Variants in JARID2 observed in about 807,000 individuals in gnomAD.
JARID2 encodes the protein protein Jumonji.
JARID2 carries 21 observed loss-of-function variants against 125.6 expected under a neutral mutation model. The ratio of observed to expected loss-of-function variants is 0.17; its 90% CI spans 0.12 to 0.24. JARID2 has a LOEUF of 0.24. Among genes scored for constraint, JARID2 ranks in the 10% least tolerant of loss-of-function variants. The pLI, the probability that JARID2 is intolerant of heterozygous loss-of-function variation, is 1.00. For missense variants in JARID2, 1,303 were observed against 1,639.6 expected, an observed-to-expected ratio of 0.79 and a Z score of 3.55; for synonymous variants, 736 against 661.6, an observed-to-expected ratio of 1.11 and a Z score of -1.73.
At chr6:15,351,254 C>G (rs900637259) in intron 1 of JARID2, among the ~76,000 whole-genome samples, 1 of 152,076 alleles carries the variant, frequency 6.6e-6, no homozygotes, top group Non-Finnish European at 1.5e-5. Context: ...CTAATAGGGT[C>G]TGGTAAAAAC....
At chr6:15,462,287 A>C (rs1257609738) in intron 4 of JARID2, among the ~76,000 whole-genome samples, 1 of 152,220 alleles carries the variant, frequency 6.6e-6, no homozygotes, top group Non-Finnish European at 1.5e-5. Flanking sequence ...TTCCCTAATA[A>C]GTTGTAAAGT....
chr6:15,252,300 G>T (rs1561747221), intron 1 of JARID2, among the ~76,000 whole-genome samples: 1 of 152,060 alleles, frequency 6.6e-6, no homozygotes, highest in African/African-American at 2.4e-5. Flanking sequence ...CAAAATGTTA[G>T]GGAATACCTT....
chr6:15,398,199 G>C (rs1359271732), intron 2 of JARID2, among the ~76,000 whole-genome samples: 2 of 152,236 alleles, frequency 1.3e-5, no homozygotes, highest in Admixed American at 6.5e-5. Context: ...TGGTTTGGCA[G>C]CGGGTTCACA....
At position 15,282,467 on chromosome 6, in the gene JARID2, T is replaced by G. The variant is rs150433091; in HGVS notation, c.45+35883T>G. ...TTGGTCTGTCAGCTGTCCATATTTT[T>G]TTTCTTCATAACTTTTATCCACTAT... is the stretch of plus-strand genomic sequence containing the variant. On this transcript the variant is annotated intron_variant, in intron 1 of 17. Coordinates refer to ENST00000341776, the MANE Select transcript of JARID2 (RefSeq NM_004973.4). Among the ~76,000 whole-genome samples, 50 of 152,326 alleles carry G rather than the reference T, an allele frequency of 3.3e-4. 1 individual carries two copies. In the East Asian group the frequency reaches 9.6e-3, roughly 29 times the overall value.
At chr6:15,294,268 C>T (rs1761327476) in intron 1 of JARID2, among the ~76,000 whole-genome samples, 1 of 152,170 alleles carries the variant, frequency 6.6e-6, no homozygotes, top group African/African-American at 2.4e-5. Flanking sequence ...TCTTGGCTCA[C>T]TGCAGCCTCC....
intron 1 of JARID2, among the ~76,000 whole-genome samples, chr6:15,333,099 A>AT (rs1762771994): frequency 6.6e-6 from 1 of 151,402 alleles, no homozygotes; most frequent in Non-Finnish European, 1.5e-5. Flanking sequence ...GGCCCGGCTA[A>AT]TTTTTTGTAT....
chr6:15,450,613 C>T (rs545042586), intron 3 of JARID2, among the ~76,000 whole-genome samples: 2 of 152,224 alleles, frequency 1.3e-5, no homozygotes, highest in East Asian at 1.9e-4. Context: ...TTCCTGCCCT[C>T]AAAGAATGTT....
intron 3 of JARID2, among the ~76,000 whole-genome samples, chr6:15,417,930 T>C (rs1766308489): frequency 6.6e-6 from 1 of 152,154 alleles, no homozygotes; most frequent in African/African-American, 2.4e-5. Context: ...ATGATTTATA[T>C]CTTTCCTCTC....
At chr6:15,352,982 T>A (rs571948297) in intron 1 of JARID2, among the ~76,000 whole-genome samples, 3 of 152,348 alleles carry the variant, frequency 2.0e-5, no homozygotes, top group South Asian at 2.1e-4. Flanking sequence ...GGTTTCCATG[T>A]TATCGTCATG....
At chr6:15,347,004 G>T (rs1387258739) in intron 1 of JARID2, among the ~76,000 whole-genome samples, 1 of 152,076 alleles carries the variant, frequency 6.6e-6, no homozygotes, top group Non-Finnish European at 1.5e-5. Context: ...AAAGTGCCGG[G>T]ATTACAGGTG....
In JARID2 at chr6:15,496,545, C is replaced by G. The variant is rs200640529; in HGVS notation, c.1320C>G (p.Ser440=). The G allele has an allele frequency of 1.6e-4, 260 of 1,607,956 alleles. No individual in the cohort carries two copies. The highest frequency in any genetic ancestry group is 5.0e-4 in the Middle Eastern group (3 of 5,976). The change falls in exon 7 of 18, where the codon TCC becomes TCG. Residue 440 remains serine (S), a synonymous_variant. Transcript: ENST00000341776. ...GLQLREGLRN[S]KRRLEEAHQA... The stretch of plus-strand genomic sequence containing the variant: ...AGCTGCGGGAGGGGCTGCGGAACTC[C>G]AAGAGGAGACTGGAAGAGGCACACC...
intron 3 of JARID2, among the ~76,000 whole-genome samples, chr6:15,416,021 C>T (rs1474420755): frequency 2.7e-5 from 4 of 148,316 alleles, no homozygotes; most frequent in East Asian, 4.1e-4. Context: ...GGTCATGGCC[C>T]GGTAGAGGCG....
At chr6:15,510,454 C>T (rs934483659) in intron 12 of JARID2, among the ~76,000 whole-genome samples, 2 of 152,206 alleles carry the variant, frequency 1.3e-5, no homozygotes, top group Non-Finnish European at 2.9e-5. Context: ...CCTCCCCTCC[C>T]TGTGATTGCC....
intron 1 of JARID2, among the ~76,000 whole-genome samples, chr6:15,363,354 G>A (rs1763865990): frequency 6.6e-6 from 1 of 152,200 alleles, no homozygotes; most frequent in East Asian, 1.9e-4. Context: ...CACAGTGTGT[G>A]TTCACAAGCC....
intron 1 of JARID2, among the ~76,000 whole-genome samples, chr6:15,270,549 C>G (rs536853605): frequency 9.2e-5 from 14 of 152,284 alleles, no homozygotes; most frequent in Middle Eastern, 3.4e-3. Context: ...GTTATGATTG[C>G]GAGTCATGTC....
intron 3 of JARID2, among the ~76,000 whole-genome samples, chr6:15,427,884 CTT>C (rs71535041): frequency 1.4e-5 from 2 of 145,156 alleles, no homozygotes; most frequent in Non-Finnish European, 3.0e-5. Flanking sequence ...TTAGACATAC[CTT>C]TTTTTTTTTT....
intron 1 of JARID2, among the ~76,000 whole-genome samples, chr6:15,267,447 G>T (rs529339120): frequency 6.6e-6 from 1 of 152,126 alleles, no homozygotes; most frequent in Non-Finnish European, 1.5e-5. Flanking sequence ...GGAGGGAACC[G>T]ATACCTTCTG....
intron 1 of JARID2, among the ~76,000 whole-genome samples, chr6:15,333,886 CTAAAGG>C (rs1762797241): frequency 6.6e-6 from 1 of 152,106 alleles, no homozygotes; most frequent in Admixed American, 6.6e-5. Flanking sequence ...CCAGGGAAAC[CTAAAGG>C]TAATCTTTTC....
At chr6:15,505,642 G>A (rs1028902319) in intron 9 of JARID2, among the ~76,000 whole-genome samples, 3 of 152,222 alleles carry the variant, frequency 2.0e-5, no homozygotes, top group Non-Finnish European at 2.9e-5. Flanking sequence ...CATTTTCATC[G>A]TCTTAGGACC....
Sources: allele counts gnomAD v4.1 joint callset (sites outside exome capture counted in the v4.1 genomes callset), GRCh38; gene constraint gnomAD v4.1.1; transcripts MANE v1.5; gene names NCBI Gene and HGNC (gene_info 2026-07-23, HGNC 2026-07-21).